VWC2: variants seen among roughly 807,000 people sequenced by gnomAD.
VWC2 encodes brorin.
In VWC2, 14 loss-of-function variants were observed where a neutral mutation model predicts 29.8. The observed-to-expected ratio is 0.47, with a 90% CI of 0.31 to 0.74. The LOEUF (loss-of-function observed/expected upper bound fraction) is 0.74, where lower values mean the gene tolerates loss of function less well. VWC2 is among the 30% of genes least tolerant of loss of function. VWC2 has a pLI of 0.05. For missense variants in VWC2, 457 were observed against 459.8 expected (o/e 0.99, Z 0.05); for synonymous variants, 213 against 199.0 (o/e 1.07, Z -0.59).
At chr7:49,877,459 T>C (rs1250998525) in intron 3 of VWC2, among the ~76,000 whole-genome samples, 1 of 21,058 alleles carries the variant, frequency 4.7e-5, no homozygotes. Context: ...AGAAACTCTG[T>C]CTCAAAAAAA....
chr7:49,900,570 A>G (rs1186857684), intron 3 of VWC2, among the ~76,000 whole-genome samples: 1 of 151,750 alleles, frequency 6.6e-6, no homozygotes, highest in African/African-American at 2.4e-5. Flanking sequence ...AAATGAACCA[A>G]TTCCTTGAAA....
intron 3 of VWC2, among the ~76,000 whole-genome samples, chr7:49,892,070 A>G (rs1055048114): frequency 3.1e-5 from 3 of 97,812 alleles, no homozygotes; most frequent in Non-Finnish European, 5.4e-5. Context: ...TTTGAGACGG[A>G]GTCTCGCTCT....
intron 3 of VWC2, among the ~76,000 whole-genome samples, chr7:49,910,701 G>C (rs560954097): frequency 6.6e-6 from 1 of 152,298 alleles, no homozygotes; most frequent in South Asian, 2.1e-4. Context: ...TGACACATTT[G>C]TTGGCTGATA....
chr7:49,782,213 A>C (rs558759276), intron 2 of VWC2, among the ~76,000 whole-genome samples: 17 of 152,304 alleles, frequency 1.1e-4, no homozygotes, highest in Non-Finnish European at 1.3e-4. Context: ...TTTGTTTTCC[A>C]GCTGACCACA....
At chr7:49,793,748 G>A (rs1788518140) in intron 2 of VWC2, among the ~76,000 whole-genome samples, 1 of 152,098 alleles carries the variant, frequency 6.6e-6, no homozygotes, top group Non-Finnish European at 1.5e-5. Flanking sequence ...CAAACTCTTA[G>A]GGCTTTAGGT....
At chr7:49,887,557 A>C (rs1791954432) in intron 3 of VWC2, among the ~76,000 whole-genome samples, 1 of 148,250 alleles carries the variant, frequency 6.7e-6, no homozygotes, top group African/African-American at 2.7e-5. Context: ...CTTTCAGAGT[A>C]TCATTTCATT....
chr7:49,908,406 A>G (rs146573479), intron 3 of VWC2, among the ~76,000 whole-genome samples: 1 of 152,352 alleles, frequency 6.6e-6, no homozygotes, highest in East Asian at 1.9e-4. Context: ...GTAAAATGAG[A>G]CATATAATTA....
intron 2 of VWC2, among the ~76,000 whole-genome samples, chr7:49,789,097 TGAGA>T (rs538798933): frequency 2.3e-3 from 315 of 138,314 alleles, no homozygotes; most frequent in South Asian, 3.9e-3. Context: ...GGTTTGGGTG[TGAGA>T]GAGAGATTGA....
At chr7:49,900,381 G>A (rs1277615393) in intron 3 of VWC2, among the ~76,000 whole-genome samples, 1 of 151,670 alleles carries the variant, frequency 6.6e-6, no homozygotes, top group Non-Finnish European at 1.5e-5. Flanking sequence ...ACAAAAGCTT[G>A]TTTATTGAAA....
Position 49,775,590 on chromosome 7 carries a change from C to G in VWC2, c.155C>G (p.Ser52Cys). Residue 52 changes from serine to cysteine, a missense_variant, in exon 2 of 4, where the codon TCT becomes TGT. Coordinates refer to ENST00000340652, the MANE Select transcript of VWC2 (RefSeq NM_198570.5). ...QPGQEKREHA[S>C]RDGPGRVNEL... ...GGCCAGGAGAAGCGTGAGCACGCCTCTCGGGACGGCCCGGGGCGGGTGAAC... is the reference window on the plus strand; with the variant it reads ...GGCCAGGAGAAGCGTGAGCACGCCTGTCGGGACGGCCCGGGGCGGGTGAAC... 6.5e-7 allele frequency: 1 copy of G among 1,537,324 alleles called. No homozygotes were observed.
At position 49,775,656 on chromosome 7, in the gene VWC2, G is replaced by A. The variant is rs1469886937; in HGVS notation, c.221G>A (p.Arg74Gln). 2.0e-6 allele frequency: 3 copies of A among 1,527,124 alleles called. No homozygotes were observed. In the African/African-American group the frequency reaches 4.3e-5, roughly 22 times the overall value. The allele number at this position is 1,527,124 out of a possible 1,614,324, so 94.6% of individuals were successfully genotyped here. A position where few individuals can be genotyped will look rare whatever the true frequency, so the allele number is the denominator to read the frequency against. ...RPARDEGGSGRDWKSKSGRGL... is the reference protein window; with the variant it reads ...RPARDEGGSGQDWKSKSGRGL... ...GCGAGGGACGAGGGCGGCAGCGGCC[G>A]GGACTGGAAGAGCAAGAGCGGCCGT... is the stretch of plus-strand genomic sequence containing the variant. Residue 74 changes from arginine to glutamine, a missense_variant, in exon 2 of 4, where the codon CGG becomes CAG. Coordinates refer to ENST00000340652, the MANE Select transcript of VWC2 (RefSeq NM_198570.5).
At chr7:49,886,443 C>T (rs1380183475) in intron 3 of VWC2, among the ~76,000 whole-genome samples, 11 of 152,056 alleles carry the variant, frequency 7.2e-5, no homozygotes, top group African/African-American at 2.7e-4. Flanking sequence ...ATTTTGATTT[C>T]AAATGGATTT....
chr7:49,897,040 C>A (rs1343349272), intron 3 of VWC2, among the ~76,000 whole-genome samples: 1 of 151,836 alleles, frequency 6.6e-6, no homozygotes, highest in Non-Finnish European at 1.5e-5. Context: ...GGACTACAGG[C>A]GCCCGCCACC....
intron 3 of VWC2, among the ~76,000 whole-genome samples, chr7:49,804,291 T>C (rs886539619): frequency 1.3e-5 from 2 of 151,666 alleles, no homozygotes; most frequent in African/African-American, 2.4e-5. Context: ...GACTCTGGGA[T>C]TGGGGAAGGA....
In VWC2 at chr7:49,851,644, G is replaced by A. The variant is rs184152252; in HGVS notation, c.826+48804G>A. The stretch of plus-strand genomic sequence containing the variant: ...GGAGGCCGAGGCGGGTGGATCATGA[G>A]GTCAGGAGATCGAGACCACCCTGGC... On this transcript the variant is annotated intron_variant, in intron 3 of 3. Coordinates refer to ENST00000340652, the MANE Select transcript of VWC2 (RefSeq NM_198570.5). Among the ~76,000 whole-genome samples the A allele has an allele frequency of 2.7e-3, 414 of 152,308 alleles. 3 individuals carry two copies. The highest frequency in any genetic ancestry group is 9.7e-3 in the African/African-American group (404 of 41,562).
intron 3 of VWC2, among the ~76,000 whole-genome samples, chr7:49,851,805 G>A (rs1790189269): frequency 6.6e-6 from 1 of 151,840 alleles, no homozygotes; most frequent in Non-Finnish European, 1.5e-5. Flanking sequence ...TTGCAGAGCC[G>A]AGCTTGCGCC....
intron 3 of VWC2, among the ~76,000 whole-genome samples, chr7:49,879,779 T>C (rs2128726634): frequency 6.6e-6 from 1 of 152,310 alleles, no homozygotes; most frequent in East Asian, 1.9e-4. Flanking sequence ...TCTTGGCTAA[T>C]TTTATTCTTA....
At chr7:49,786,200 G>A (rs941096672) in intron 2 of VWC2, among the ~76,000 whole-genome samples, 1 of 152,152 alleles carries the variant, frequency 6.6e-6, no homozygotes, top group Non-Finnish European at 1.5e-5. Context: ...AGTGCCCAAT[G>A]TTTAGCTTCC....
chr7:49,868,299 C>T (rs1790998226), intron 3 of VWC2, among the ~76,000 whole-genome samples: 3 of 152,018 alleles, frequency 2.0e-5, no homozygotes, highest in South Asian at 4.2e-4. Flanking sequence ...CTTTTAAAGC[C>T]GAGACTTGTT....
Sources: allele counts gnomAD v4.1 joint callset (sites outside exome capture counted in the v4.1 genomes callset), GRCh38; gene constraint gnomAD v4.1.1; transcripts MANE v1.5; gene names NCBI Gene and HGNC (gene_info 2026-07-23, HGNC 2026-07-21).